SRSF5: variants seen among roughly 807,000 people sequenced by gnomAD.
SRSF5 encodes the protein serine/arginine-rich splicing factor 5.
SRSF5 carries 5 observed loss-of-function variants against 34.0 expected under a neutral mutation model. The ratio of observed to expected loss-of-function variants is 0.15; its 90% confidence interval spans 0.08 to 0.31. The LOEUF (loss-of-function observed/expected upper bound fraction) is 0.31, where lower values mean the gene tolerates loss of function less well. Ranked by LOEUF, SRSF5 falls within the 10% of genes least tolerant of loss-of-function variation. The pLI is 1.00. For synonymous variants in SRSF5, 164 were observed against 117.7 expected, an observed-to-expected ratio of 1.39 and a Z score of -2.55; for missense variants, 223 against 351.4, an observed-to-expected ratio of 0.63 and a Z score of 2.92.
intron 3 of SRSF5, 47 bp downstream of exon 3, chr14:69,768,721 G>A (rs781519963): frequency 6.3e-7 from 1 of 1,596,014 alleles, no homozygotes; most frequent in South Asian, 1.1e-5. Context: ...AGAGCAGACT[G>A]GGTCTGCTGG....
In SRSF5 at chr14:69,771,723, CAG is replaced by C. The variant is rs1210847648; in HGVS notation, c.*265_*266del. 3.4e-5 allele frequency: 13 copies of C among 385,066 alleles called. No individual in the cohort carries two copies. Among genetic ancestry groups the C allele is most frequent in the Admixed American group, 1.3e-4 (3 of 23,884 alleles). The allele number at this position is 385,066 out of a possible 1,614,324, so 23.9% of individuals were successfully genotyped here. On this transcript the variant is annotated 3_prime_UTR_variant, in exon 8 of 8. Transcript: ENST00000557154. ...GAAGTATATAGTTTGTGTATATTGA[CAG>C]AGCTCTTTTATAACTAAAGCAAATT...
intron 1 of SRSF5, chr14:69,767,473 G>A (rs1490082291): frequency 4.4e-6 from 2 of 456,020 alleles, no homozygotes; most frequent in Non-Finnish European, 8.8e-6. Context: ...TTACACAGCG[G>A]TTGTGCGCCC....
In SRSF5 at chr14:69,767,242, A is replaced by AC. The variant is rs1882555786; in HGVS notation, c.-29dup. 2.7e-6 allele frequency: 1 copy of AC among 375,372 alleles called. No homozygotes were observed. The highest frequency in any genetic ancestry group is 5.1e-6 in the Non-Finnish European group (1 of 195,170). 23.3% of individuals were successfully genotyped at this position (375,372 alleles called of 1,614,324 possible). On this transcript the variant is annotated 5_prime_UTR_variant, in exon 1 of 8. Coordinates refer to ENST00000557154, the MANE Select transcript of SRSF5 (RefSeq NM_001320214.2). ...CCTGTCTGGGTCTCAGCCGCCAAAG[A>AC]CCCCGTCCGGTAGGTGAGTGGCTCA... is the stretch of plus-strand genomic sequence containing the variant.
At chr14:69,770,048 G>T in intron 5 of SRSF5, 1 of 1,017,510 alleles carries the variant, frequency 9.8e-7, no homozygotes, top group Non-Finnish European at 1.2e-6. Flanking sequence ...TAAAGGTAAA[G>T]TAAACTTTTT....
chr14:69,769,580 T>C (rs1427432308), intron 5 of SRSF5: 1 of 1,535,472 alleles, frequency 6.5e-7, no homozygotes, highest in East Asian at 2.4e-5. Flanking sequence ...TTGGTCACTC[T>C]TGGTTGGGCC....
Position 69,769,237 on chromosome 14 carries a change from A to C in SRSF5, c.352A>C (p.Arg118=). 6.2e-7 allele frequency: 1 copy of C among 1,614,190 alleles called. No homozygotes were observed. The highest frequency in any genetic ancestry group is 1.1e-5 in the South Asian group (1 of 91,082). The change falls in exon 5 of 8, where the codon AGA becomes CGA. Residue 118 remains arginine (R), a synonymous_variant. Transcript: ENST00000557154. ...NRLIVENLSS[R]VSWQDLKDFM... is the part of the protein sequence containing the mutation. ...TCTTATAGTTGAGAATTTATCCTCA[A>C]GAGTCAGCTGGCAGGTTTGTTGAAA...
intron 1 of SRSF5, chr14:69,767,926 T>A: frequency 1.9e-6 from 1 of 512,862 alleles, no homozygotes; most frequent in Non-Finnish European, 3.5e-6. Context: ...TTGCGGTTGC[T>A]GCGGTCTGGG....
At position 69,771,272 on chromosome 14, in the gene SRSF5, A is replaced by G. The variant is rs1594755128; in HGVS notation, c.630A>G (p.Lys210=). ...SRSRSRSRSR[K]SYSRSRSRSR... The stretch of plus-strand genomic sequence containing the variant: ...GCCGATCCCGTTCCCGTAGTCGCAA[A>G]TCTTACAGCCGGTCAAGAAGCAGGA... The change falls in exon 8 of 8, where the codon AAA becomes AAG. Residue 210 remains lysine, a synonymous_variant. Coordinates refer to ENST00000557154, the MANE Select transcript of SRSF5 (RefSeq NM_001320214.2). 1.2e-6 allele frequency: 2 copies of G among 1,614,108 alleles called. No homozygotes were observed. The highest frequency in any genetic ancestry group is 1.7e-6 in the Non-Finnish European group (2 of 1,180,012).
intron 6 of SRSF5, 188 bp from the exon 7 acceptor site, chr14:69,770,807 C>A (rs1055333778): frequency 6.0e-6 from 4 of 664,940 alleles, no homozygotes; most frequent in Non-Finnish European, 1.0e-5. Flanking sequence ...GGAACCCCCT[C>A]AACAATGAAT....
chr14:69,769,888 C>T, intron 5 of SRSF5: 3 of 1,172,898 alleles, frequency 2.6e-6, no homozygotes, highest in Non-Finnish European at 3.2e-6. Flanking sequence ...CGCCAATAGT[C>T]CGCTAATAGG....
At chr14:69,767,498 T>TA (rs1391731830) in intron 1 of SRSF5, 5 of 455,968 alleles carry the variant, frequency 1.1e-5, no homozygotes, top group Middle Eastern at 6.5e-4. Context: ...CTGCCAGTCT[T>TA]AATGTCTTCA....
At chr14:69,769,024 G>C in intron 4 of SRSF5, 128 bp downstream of exon 4, 2 of 1,281,312 alleles carry the variant, frequency 1.6e-6, no homozygotes, top group Non-Finnish European at 2.2e-6. Context: ...ACGTTAGCCA[G>C]TTGTTCTTGA....
rs567897912 is a variant in SRSF5, at chr14:69,771,761, G to A, written c.*300G>A. On this transcript the variant is annotated 3_prime_UTR_variant, in exon 8 of 8. Coordinates refer to ENST00000557154, the MANE Select transcript of SRSF5 (RefSeq NM_001320214.2). ...TAACTAAAGCAAATTTAATTTTTTT[G>A]TACTAGAAAAAAATTTGAACATTTT... is the stretch of plus-strand genomic sequence containing the variant. 198 of 259,272 alleles carry A rather than the reference G, an allele frequency of 7.6e-4. No individual in the cohort carries two copies. Among genetic ancestry groups the A allele is most frequent in the Middle Eastern group, 1.3e-3 (1 of 786 alleles). 16.1% of individuals were successfully genotyped at this position (259,272 alleles called of 1,614,324 possible). A position where few individuals can be genotyped will look rare whatever the true frequency, so the allele number is the denominator to read the frequency against.
In SRSF5 at chr14:69,771,268, G is replaced by A. The variant is rs780489147; in HGVS notation, c.626G>A (p.Arg209His). ...CGTAGCCGATCCCGTTCCCGTAGTC[G>A]CAAATCTTACAGCCGGTCAAGAAGC... is the stretch of plus-strand genomic sequence containing the variant. Reference protein sequence around the residue: ...RSRSRSRSRSRKSYSRSRSRS... With the variant: ...RSRSRSRSRSHKSYSRSRSRS... Residue 209 changes from arginine (R) to histidine (H), a missense_variant, in exon 8 of 8, where the codon CGC becomes CAC. This residue lies in a region of SRSF5 where 115 missense variants were observed against 119.7 expected (regional missense o/e 0.96). Coordinates refer to ENST00000557154, the MANE Select transcript of SRSF5 (RefSeq NM_001320214.2). 10 of 1,614,094 alleles carry A rather than the reference G, an allele frequency of 6.2e-6. No individual in the cohort carries two copies. The Admixed American group carries it at 1.3e-4, about 22-fold the overall frequency.
At chr14:69,768,312 G>T in intron 2 of SRSF5, 30 bp downstream of exon 2, 1 of 1,612,870 alleles carries the variant, frequency 6.2e-7, no homozygotes, top group East Asian at 2.2e-5. Context: ...TGAATTATCT[G>T]CTAAGTAGGT....
Position 69,771,208 on chromosome 14 carries a change from G to C in SRSF5, c.566G>C (p.Arg189Thr), listed in dbSNP as rs781612280. 8 of 1,614,140 alleles carry C rather than the reference G, an allele frequency of 5.0e-6. No homozygotes were observed. The Admixed American group carries it at 1.3e-4, about 27-fold the overall frequency. Residue 189 changes from arginine to threonine, a missense_variant, in exon 8 of 8, where the codon AGG becomes ACG. Transcript: ENST00000557154. ...ATTTTTCATAGTAGGTCAAGAAGCAGGTCTCGATCCCGGACCAGAAGTTCC... is the reference window on the plus strand; with the variant it reads ...ATTTTTCATAGTAGGTCAAGAAGCACGTCTCGATCCCGGACCAGAAGTTCC... Reference protein sequence around the residue: ...GSKRHSRSRSRSRSRTRSSSR... With the variant: ...GSKRHSRSRSTSRSRTRSSSR...
Position 69,771,617 on chromosome 14 carries a change from T to G in SRSF5, c.*156T>G. Reference sequence around the variant, plus strand: ...GTTGGGCTGGATATCTTTGTAGATGTGGACCACCAAGGGGTTGTTGAAAAC... The same window carrying G: ...GTTGGGCTGGATATCTTTGTAGATGGGGACCACCAAGGGGTTGTTGAAAAC... On this transcript the variant is annotated 3_prime_UTR_variant, in exon 8 of 8. Coordinates refer to ENST00000557154, the MANE Select transcript of SRSF5 (RefSeq NM_001320214.2). 1 of 839,796 alleles carries G rather than the reference T, an allele frequency of 1.2e-6. No homozygotes were observed. The highest frequency in any genetic ancestry group is 1.8e-6 in the Non-Finnish European group (1 of 552,542). 52.0% of individuals were successfully genotyped at this position (839,796 alleles called of 1,614,324 possible).
In SRSF5 at chr14:69,768,790, T is replaced by C; in HGVS notation, c.198-8T>C. ...TGTGTAACGGAGATTTTTCTTCCCT[T>C]TTTGTAGGGTTACTATTGAACATGC... On this transcript the variant is annotated splice_region_variant and splice_polypyrimidine_tract_variant and intron_variant, in intron 3 of 7. Coordinates refer to ENST00000557154, the MANE Select transcript of SRSF5 (RefSeq NM_001320214.2). 6.2e-7 allele frequency: 1 copy of C among 1,614,014 alleles called. No homozygotes were observed. The highest frequency in any genetic ancestry group is 1.1e-5 in the South Asian group (1 of 91,080).
Position 69,771,047 on chromosome 14 carries a change from T to G in SRSF5, c.493T>G (p.Ser165Ala). 6.8e-6 allele frequency: 11 copies of G among 1,614,034 alleles called. No individual in the cohort carries two copies. The highest frequency in any genetic ancestry group is 9.3e-6 in the Non-Finnish European group (11 of 1,179,984). Residue 165 changes from serine (S) to alanine (A), a missense_variant, in exon 7 of 8, where the codon TCT becomes GCT. By Grantham distance (99) the Ser-to-Ala change is moderately conservative. This residue lies in a region of SRSF5 where 37 missense variants were observed against 96.7 expected (regional missense o/e 0.38). Transcript: ENST00000557154. ...GDLKNAIEKL[S>A]GKEINGRKIK... ...CTTAAAGAATGCTATTGAAAAACTT[T>G]CTGGAAAGGAAATAAATGGGAGAAA... is the stretch of plus-strand genomic sequence containing the variant.
Sources: allele counts gnomAD v4.1 joint callset, GRCh38; gene constraint gnomAD v4.1.1; regional missense constraint gnomAD v4.1.1; transcripts MANE v1.5; gene names NCBI Gene and HGNC (gene_info 2026-07-23, HGNC 2026-07-21).